The following ZNF518A variants were observed in gnomAD, a reference collection of about 807,000 sequenced individuals.
The protein encoded by ZNF518A is zinc finger protein 518.
Under a neutral mutation model 102.7 loss-of-function variants are expected in ZNF518A, and 47 were observed. The observed-to-expected ratio is 0.46, with a 90% CI of 0.36 to 0.58. ZNF518A has a LOEUF of 0.58. Ranked by LOEUF, ZNF518A falls within the 20% of genes least tolerant of loss-of-function variation. ZNF518A has a pLI of 0.00. For missense variants in ZNF518A, 1,793 were observed against 1,699.8 expected (o/e 1.05, Z -0.96); for synonymous variants, 652 against 594.6 (o/e 1.10, Z -1.40).
intron 1 of ZNF518A, chr10:96,189,731 C>T (rs2083299658): frequency 1.4e-6 from 1 of 726,324 alleles, no homozygotes; most frequent in African/African-American, 1.7e-5. Context: ...TCATCATCAT[C>T]ATCTTCATCA....
At chr10:96,168,433 C>A (rs1335768276), downstream of ZNF518A, among the ~76,000 whole-genome samples, 1 of 149,376 alleles carries the variant, frequency 6.7e-6, no homozygotes, top group African/African-American at 2.5e-5. Context: ...TTTACCTTTC[C>A]AGTGTTTTTT....
Position 96,159,984 on chromosome 10 carries a change from C to A in ZNF518A, c.3662C>A (p.Pro1221Gln), listed in dbSNP as rs1554886719. The A allele has an allele frequency of 1.9e-6, 3 of 1,613,412 alleles. No individual in the cohort carries two copies. Among genetic ancestry groups the A allele is most frequent in the South Asian group, 1.1e-5 (1 of 91,056 alleles). Residue 1221 changes from proline to glutamine, a missense_variant, in exon 6 of 6, where the codon CCA (proline) becomes CAA (glutamine). Physicochemically the swap from Pro to Gln is moderately conservative, Grantham distance 76. This residue lies in a region of ZNF518A where 1,741 missense variants were observed against 1,622.6 expected (regional missense o/e 1.07). Transcript: ENST00000316045. ...TATCPESSEE[P>Q]ICVSDCSESR... ...ACATGCCCAGAATCTTCTGAGGAAC[C>A]AATATGTGTCAGTGACTGTTCAGAG...
At chr10:96,148,035 C>A (rs1554879108) in intron 3 of ZNF518A, among the ~76,000 whole-genome samples, 2 of 152,044 alleles carry the variant, frequency 1.3e-5, no homozygotes, top group African/African-American at 4.8e-5. Flanking sequence ...TCTGTTGCCC[C>A]TTTTTGGTTA....
chr10:96,133,522 A>G (rs2081444030), intron 2 of ZNF518A, 61 bp from the exon 3 acceptor site: 1 of 152,158 alleles, frequency 6.6e-6, no homozygotes, highest in South Asian at 2.1e-4. Context: ...GTACCCATGT[A>G]AAAAAACATG....
At chr10:96,148,917 A>T (rs1554879506) in intron 3 of ZNF518A, among the ~76,000 whole-genome samples, 1 of 151,948 alleles carries the variant, frequency 6.6e-6, no homozygotes, top group Non-Finnish European at 1.5e-5. Context: ...GGGTTTCACC[A>T]TGTTAGCCAG....
At position 96,130,307 on chromosome 10, in the gene ZNF518A, A is replaced by C. The variant is rs587760857; in HGVS notation, c.-898A>C. The stretch of plus-strand genomic sequence containing the variant: ...TCAGCGCTTCCGCTTAACTTGCCGC[A>C]AAGTTTTTCTGGAGAAGTCGGGGTT... On this transcript the variant is annotated 5_prime_UTR_variant, in exon 1 of 6. Transcript: ENST00000316045. Among the ~76,000 whole-genome samples, 4 of 152,324 alleles carry C rather than the reference A, an allele frequency of 2.6e-5. No homozygotes were observed. In the East Asian group the frequency reaches 7.7e-4, roughly 29 times the overall value.
intron 3 of ZNF518A, among the ~76,000 whole-genome samples, chr10:96,146,375 A>G (rs1448108259): frequency 1.3e-5 from 2 of 152,202 alleles, no homozygotes; most frequent in Non-Finnish European, 2.9e-5. Flanking sequence ...ACTGTTCTTT[A>G]TAAAGGTCAT....
At chr10:96,139,067 T>C (rs2081773784) in intron 3 of ZNF518A, among the ~76,000 whole-genome samples, 1 of 151,204 alleles carries the variant, frequency 6.6e-6, no homozygotes, top group South Asian at 2.1e-4. Context: ...AGAAAGCACA[T>C]TTCAAGTAGG....
intron 3 of ZNF518A, among the ~76,000 whole-genome samples, chr10:96,138,903 AC>A (rs1564744190): frequency 6.6e-6 from 1 of 151,978 alleles, no homozygotes; most frequent in Non-Finnish European, 1.5e-5. Flanking sequence ...ATTAAGTGTT[AC>A]AAAAAAAGAA....
At chr10:96,174,507 A>G (rs2083191817) in intron 1 of ZNF518A, among the ~76,000 whole-genome samples, 1 of 152,184 alleles carries the variant, frequency 6.6e-6, no homozygotes, top group African/African-American at 2.4e-5. Context: ...ATGAAAATGA[A>G]TGTAAGGGAA....
rs1564767470 is a variant in ZNF518A at position 96,156,311 on chromosome 10, T to C, written c.-12T>C. 1 of 1,546,144 alleles carries C rather than the reference T, an allele frequency of 6.5e-7. No homozygotes were observed. On this transcript the variant is annotated 5_prime_UTR_variant, in exon 6 of 6. Coordinates refer to ENST00000316045, the MANE Select transcript of ZNF518A (RefSeq NM_001330736.2). ...TCAGAAAAAAAGAAATTGGGACTTT[T>C]TTGGTTAAATCATGCCATCTGAACA...
rs1253972353 is a variant in ZNF518A, at chr10:96,204,088, T to C, written n.259T>C. The C allele has an allele frequency of 8.7e-6, 14 of 1,613,834 alleles. No individual in the cohort carries two copies. Among genetic ancestry groups the C allele is most frequent in the African/African-American group, 1.3e-5 (1 of 74,924 alleles). On this transcript the variant is annotated non_coding_transcript_exon_variant, in exon 3 of 3. Transcript: ENST00000442635. Reference sequence around the variant, plus strand: ...GAGGTATGGGTTTTTGGTGGATTTGTCTGCAAGAAAGAATTTCAGATAATT... The same window carrying C: ...GAGGTATGGGTTTTTGGTGGATTTGCCTGCAAGAAAGAATTTCAGATAATT...
downstream of ZNF518A, among the ~76,000 whole-genome samples, chr10:96,166,636 C>A (rs111817602): frequency 5.4e-3 from 816 of 152,196 alleles, 6 homozygotes; most frequent in African/African-American, 0.019. Flanking sequence ...GGCATGGCAG[C>A]GTGCACCTGT....
rs1019948197 is a variant in ZNF518A, at chr10:96,156,742, A to C, written c.420A>C (p.Gln140His). The C allele has an allele frequency of 6.2e-7, 1 of 1,613,908 alleles. No individual in the cohort carries two copies. The highest frequency in any genetic ancestry group is 8.5e-7 in the Non-Finnish European group (1 of 1,179,806). ...YSPNDLQKHF[Q>H]MWHHGELPSY... ...CAAATGATTTGCAGAAACACTTTCA[A>C]ATGTGGCACCATGGCGAATTACCTT... Residue 140 changes from glutamine (Q) to histidine (H), a missense_variant, in exon 6 of 6, where the codon CAA becomes CAC. This residue lies in a region of ZNF518A where 1,741 missense variants were observed against 1,622.6 expected (regional missense o/e 1.07). Coordinates refer to ENST00000316045, the MANE Select transcript of ZNF518A (RefSeq NM_001330736.2).
At chr10:96,131,710 T>C (rs1001922514) in intron 1 of ZNF518A, among the ~76,000 whole-genome samples, 12 of 152,228 alleles carry the variant, frequency 7.9e-5, no homozygotes, top group African/African-American at 2.9e-4. Context: ...GTAACCACAA[T>C]GAACACCCAC....
Position 96,158,109 on chromosome 10 carries a change from A to G in ZNF518A, c.1787A>G (p.Lys596Arg), listed in dbSNP as rs976081909. Residue 596 changes from lysine (K) to arginine (R), a missense_variant, in exon 6 of 6, where the codon AAA (lysine) becomes AGA (arginine). Lys to Arg is a conservative substitution (Grantham distance 26). Around this residue, in one of 3 missense-constraint regions of ZNF518A, gnomAD observed 1,741 missense variants for 1,622.6 expected, o/e 1.07. Coordinates refer to ENST00000316045, the MANE Select transcript of ZNF518A (RefSeq NM_001330736.2). The stretch of plus-strand genomic sequence containing the variant: ...CCCGAGGTATTAGGTACCACCATTA[A>G]AAGTCCAGATAAAGTCAACTGTGTT... ...SHPEVLGTTI[K>R]SPDKVNCVAK... The G allele has an allele frequency of 6.2e-7, 1 of 1,613,592 alleles. No individual in the cohort carries two copies. Among genetic ancestry groups the G allele is most frequent in the Non-Finnish European group, 8.5e-7 (1 of 1,179,686 alleles).
At chr10:96,178,746 A>T (rs943605982) in intron 1 of ZNF518A, among the ~76,000 whole-genome samples, 17 of 152,038 alleles carry the variant, frequency 1.1e-4, no homozygotes, top group Non-Finnish European at 2.9e-5. Context: ...GGACATTACT[A>T]CAGATCTGAC....
chr10:96,175,422 C>G (rs997062326), intron 1 of ZNF518A, among the ~76,000 whole-genome samples: 24 of 152,142 alleles, frequency 1.6e-4, no homozygotes, highest in African/African-American at 5.6e-4. Flanking sequence ...CTTTCTTGGA[C>G]TACTTTAGGT....
chr10:96,172,267 A>G (rs1240224707), intron 1 of ZNF518A, among the ~76,000 whole-genome samples: 2 of 152,150 alleles, frequency 1.3e-5, no homozygotes, highest in African/African-American at 4.8e-5. Context: ...AACATTATGC[A>G]TATAATTGTA....
Sources: gnomAD v4.1 joint callset for allele counts (sites outside exome capture counted in the v4.1 genomes callset) on GRCh38, gnomAD v4.1.1 for gene constraint, gnomAD v4.1.1 regional missense constraint, MANE v1.5 for transcripts, NCBI Gene and HGNC (gene_info 2026-07-23, HGNC 2026-07-21) for gene names.